The following TESK2 variants were observed in gnomAD, a reference collection of about 807,000 sequenced individuals.
TESK2 encodes dual specificity testis-specific protein kinase 2.
A neutral mutation model predicts 57.1 loss-of-function variants in TESK2; 39 were observed. The observed-to-expected ratio is 0.68, with a 90% CI of 0.53 to 0.89. The LOEUF (loss-of-function observed/expected upper bound fraction) is 0.89. Ranked by LOEUF, TESK2 falls within the 40% of genes least tolerant of loss-of-function variation. The pLI is 0.00. For missense variants in TESK2, 646 were observed against 732.1 expected, an observed-to-expected ratio of 0.88 and a Z score of 1.36; for synonymous variants, 249 against 267.9, an observed-to-expected ratio of 0.93 and a Z score of 0.69.
chr1:45,407,444 T>G (rs1427258144), intron 3 of TESK2, among the ~76,000 whole-genome samples: 1 of 152,184 alleles, frequency 6.6e-6, no homozygotes, highest in Non-Finnish European at 1.5e-5. Context: ...CTATAATTGT[T>G]TGTATTTTAC....
At position 45,433,189 on chromosome 1, in the gene TESK2, C is replaced by T. The variant is rs1331958987; in HGVS notation, c.223-11343G>A. Reference sequence around the variant, plus strand: ...TCCTGGGTTCAAGCGATTCTTGTACCTCAGCCTCCCAAGTAGCTGGGACTA... The same window carrying T: ...TCCTGGGTTCAAGCGATTCTTGTACTTCAGCCTCCCAAGTAGCTGGGACTA... On this transcript the variant is annotated intron_variant, in intron 2 of 10. Coordinates refer to ENST00000372086, the MANE Select transcript of TESK2 (RefSeq NM_007170.3). 2.0e-5 allele frequency among the ~76,000 whole-genome samples: 3 copies of T among 149,990 alleles called. No homozygotes were observed. In the Admixed American group the frequency reaches 2.0e-4, roughly 10 times the overall value.
At chr1:45,364,751 T>C (rs895639910) in intron 4 of TESK2, among the ~76,000 whole-genome samples, 2 of 152,266 alleles carry the variant, frequency 1.3e-5, no homozygotes, top group African/African-American at 2.4e-5. Context: ...AGTCAGAATA[T>C]AAAGCTTTTT....
At chr1:45,457,488 A>C in intron 2 of TESK2, 76 bp downstream of exon 2, 2 of 1,368,014 alleles carry the variant, frequency 1.5e-6, no homozygotes, top group Admixed American at 1.7e-5. Flanking sequence ...CCTACATCCT[A>C]ATTAAACACA....
intron 3 of TESK2, among the ~76,000 whole-genome samples, chr1:45,406,110 T>TA (rs1439610409): frequency 1.3e-5 from 2 of 152,020 alleles, no homozygotes; most frequent in Admixed American, 6.6e-5. Context: ...TGCTCACCTG[T>TA]AGTCTCAGCT....
intron 4 of TESK2, among the ~76,000 whole-genome samples, chr1:45,382,008 C>G (rs535409184): frequency 6.6e-6 from 1 of 151,786 alleles, no homozygotes; most frequent in East Asian, 1.9e-4. Flanking sequence ...GTAGCTGAGA[C>G]TGTAGGTGTG....
chr1:45,352,401 T>C (rs887827065), intron 5 of TESK2, among the ~76,000 whole-genome samples: 2 of 152,206 alleles, frequency 1.3e-5, no homozygotes, highest in Admixed American at 6.5e-5. Context: ...TCTTATCCTA[T>C]AGTCCAAAAA....
At chr1:45,474,669 C>A (rs749294005) in intron 1 of TESK2, among the ~76,000 whole-genome samples, 6 of 151,484 alleles carry the variant, frequency 4.0e-5, no homozygotes, top group Non-Finnish European at 7.4e-5. Flanking sequence ...AATGGGGTTT[C>A]ACCATGTTGG....
chr1:45,421,896 T>C, intron 2 of TESK2, 50 bp from the exon 3 acceptor site: 3 of 1,597,968 alleles, frequency 1.9e-6, no homozygotes, highest in Non-Finnish European at 2.6e-6. Context: ...AATAGTTATA[T>C]GTGAGGTCAA....
chr1:45,432,724 G>C (rs541308468), intron 2 of TESK2, among the ~76,000 whole-genome samples: 1 of 144,094 alleles, frequency 6.9e-6, no homozygotes, highest in African/African-American at 2.5e-5. Flanking sequence ...CATTATTAAT[G>C]ATAGTCACCA....
Position 45,484,892 on chromosome 1 carries a change from C to A in TESK2, c.-87+5960G>T, listed in dbSNP as rs539128142. Among the ~76,000 whole-genome samples the A allele has an allele frequency of 1.4e-4, 21 of 149,636 alleles. 1 individual carries two copies. Among genetic ancestry groups the A allele is most frequent in the Middle Eastern group, 3.6e-3 (1 of 276 alleles). ...TAAAAATACAAAAAATTAGCCGGGC[C>A]TGGTGGCGGGCGCCTGTAGTCCCAG... On this transcript the variant is annotated intron_variant, in intron 1 of 10. Coordinates refer to ENST00000372086, the MANE Select transcript of TESK2 (RefSeq NM_007170.3).
intron 3 of TESK2, among the ~76,000 whole-genome samples, chr1:45,403,965 A>C (rs750105707): frequency 6.6e-6 from 1 of 152,056 alleles, no homozygotes; most frequent in Non-Finnish European, 1.5e-5. Flanking sequence ...TATGGCCAAA[A>C]AGCTTTTTCT....
chr1:45,423,291 C>T (rs1650554765), intron 2 of TESK2, among the ~76,000 whole-genome samples: 1 of 152,190 alleles, frequency 6.6e-6, no homozygotes, highest in Admixed American at 6.5e-5. Flanking sequence ...GGCACAGTGG[C>T]TCACGCCTGT....
chr1:45,439,519 A>C (rs1413275777), intron 2 of TESK2, among the ~76,000 whole-genome samples: 1 of 152,222 alleles, frequency 6.6e-6, no homozygotes, highest in Non-Finnish European at 1.5e-5. Context: ...TATTTATAAC[A>C]TTATTCTAAT....
chr1:45,382,275 G>C (rs1020540443), intron 4 of TESK2, among the ~76,000 whole-genome samples: 2 of 151,522 alleles, frequency 1.3e-5, no homozygotes, highest in African/African-American at 4.8e-5. Flanking sequence ...GTCTTGCTCT[G>C]TCACCAAGGC....
intron 4 of TESK2, among the ~76,000 whole-genome samples, chr1:45,369,410 T>C (rs1417541090): frequency 6.6e-6 from 1 of 151,990 alleles, no homozygotes; most frequent in Non-Finnish European, 1.5e-5. Flanking sequence ...GGAGAATCAC[T>C]TGAAACCAGA....
rs750070830 is a variant in TESK2, at chr1:45,457,763, GA to G, written c.22del (p.Ser8GlnfsTer25). On this transcript the variant is annotated frameshift_variant, in exon 2 of 11. Transcript: ENST00000372086. LOFTEE classifies it high-confidence loss of function. ...CACACGTGGAGGAAATCCTGCAATT[GA>G]ATTCCGTTTGCTCCGATCCATAGTC... MDRSKRN[S>X]IAGFPPRVER... is the part of the protein sequence containing the mutation. 14 of 1,613,992 alleles carry G rather than the reference GA, an allele frequency of 8.7e-6. No homozygotes were observed. Among genetic ancestry groups the G allele is most frequent in the African/African-American group, 1.3e-5 (1 of 75,024 alleles).
intron 3 of TESK2, chr1:45,413,945 AT>A (rs1048942651): frequency 4.8e-6 from 2 of 415,218 alleles, no homozygotes; most frequent in African/African-American, 4.1e-5. Context: ...TAACCAAAAA[AT>A]TTAAATCCTA....
At chr1:45,429,404 ATT>A in intron 2 of TESK2, among the ~76,000 whole-genome samples, 1 of 152,062 alleles carries the variant, frequency 6.6e-6, no homozygotes, top group Non-Finnish European at 1.5e-5. Context: ...TAAAAAACAG[ATT>A]AAAAAAAAAT....
intron 2 of TESK2, among the ~76,000 whole-genome samples, chr1:45,449,687 C>T (rs1005272585): frequency 2.6e-5 from 4 of 152,040 alleles, no homozygotes; most frequent in Non-Finnish European, 4.4e-5. Flanking sequence ...TTGATGCACA[C>T]GTACAAGTGC....
Sources: allele counts gnomAD v4.1 joint callset (sites outside exome capture counted in the v4.1 genomes callset), GRCh38; gene constraint gnomAD v4.1.1; transcripts MANE v1.5; gene names NCBI Gene and HGNC (gene_info 2026-07-23, HGNC 2026-07-21).